TAX1BP1: variants seen among roughly 807,000 people sequenced by gnomAD.
TAX1BP1 encodes the protein tax1-binding protein 1.
In TAX1BP1, 62 loss-of-function variants were observed where a neutral mutation model predicts 97.7. The observed-to-expected ratio is 0.63, with a 90% CI of 0.52 to 0.78. The LOEUF is 0.78. Among genes scored for constraint, TAX1BP1 ranks in the 30% least tolerant of loss-of-function variants. TAX1BP1 has a pLI of 0.00. For synonymous variants in TAX1BP1, 340 were observed against 304.2 expected (o/e 1.12, Z -1.23); for missense variants, 867 against 916.1 (o/e 0.95, Z 0.69).
In TAX1BP1 at chr7:27,796,050, C is replaced by T. The variant is rs1789920132; in HGVS notation, c.1535-66C>T. ...ACAGTATACTGACCTTTAAGTTATT[C>T]TGAACAGGAAGATAATATAAGGGGC... On this transcript the variant is annotated intron_variant, in intron 11 of 16. Coordinates refer to ENST00000396319, the MANE Select transcript of TAX1BP1 (RefSeq NM_006024.7). 2.5e-6 allele frequency: 3 copies of T among 1,223,574 alleles called. No individual in the cohort carries two copies. The African/African-American group carries it at 4.6e-5, about 19-fold the overall frequency. The allele number at this position is 1,223,574 out of a possible 1,614,324, so 75.8% of individuals were successfully genotyped here. A position where few individuals can be genotyped will look rare whatever the true frequency, so the allele number is the denominator to read the frequency against.
intron 5 of TAX1BP1, among the ~76,000 whole-genome samples, chr7:27,772,900 A>G (rs1340293298): frequency 1.3e-5 from 2 of 152,060 alleles, no homozygotes; most frequent in African/African-American, 2.4e-5. Flanking sequence ...TATCTACTTC[A>G]TTATTCATGT....
At chr7:27,824,570 A>AT (rs1562748367) in intron 15 of TAX1BP1, among the ~76,000 whole-genome samples, 1 of 151,780 alleles carries the variant, frequency 6.6e-6, no homozygotes, top group East Asian at 1.9e-4. Context: ...AAAAAAAAAA[A>AT]AAATTACTGT....
At chr7:27,813,672 G>C (rs1198636212) in intron 13 of TAX1BP1, among the ~76,000 whole-genome samples, 1 of 151,988 alleles carries the variant, frequency 6.6e-6, no homozygotes, top group East Asian at 1.9e-4. Context: ...GTCTCACTAT[G>C]TTGTCCAGGC....
At chr7:27,810,681 C>G (rs1295475529) in intron 13 of TAX1BP1, among the ~76,000 whole-genome samples, 1 of 152,094 alleles carries the variant, frequency 6.6e-6, no homozygotes, top group Non-Finnish European at 1.5e-5. Flanking sequence ...GAGACAGGGT[C>G]TTGCCTTGCT....
At chr7:27,809,678 A>G (rs1790478155) in intron 13 of TAX1BP1, among the ~76,000 whole-genome samples, 1 of 152,126 alleles carries the variant, frequency 6.6e-6, no homozygotes, top group Non-Finnish European at 1.5e-5. Flanking sequence ...TCCTATTTGC[A>G]AATAATTTAT....
rs773364269 is a variant in TAX1BP1, at chr7:27,789,850, A to G, written c.1039-2156A>G. On this transcript the variant is annotated intron_variant, in intron 8 of 16. Coordinates refer to ENST00000396319, the MANE Select transcript of TAX1BP1 (RefSeq NM_006024.7). ...TTAATGTAACAGATTGCCAGTGCAA[A>G]CATGAGAAGTGTATTTGATTATTTG... 2.6e-5 allele frequency among the ~76,000 whole-genome samples: 4 copies of G among 152,122 alleles called. No individual in the cohort carries two copies. The South Asian group carries it at 6.2e-4, about 24-fold the overall frequency.
chr7:27,781,995 C>T (rs1313759622), intron 5 of TAX1BP1, among the ~76,000 whole-genome samples: 1 of 152,080 alleles, frequency 6.6e-6, no homozygotes, highest in African/African-American at 2.4e-5. Context: ...TGATTACAGA[C>T]ATGAGCCACC....
At chr7:27,768,132 G>C (rs1322444853) in intron 4 of TAX1BP1, among the ~76,000 whole-genome samples, 1 of 151,990 alleles carries the variant, frequency 6.6e-6, no homozygotes, top group Non-Finnish European at 1.5e-5. Context: ...TATAATAATA[G>C]TGGTGGTTTA....
intron 5 of TAX1BP1, among the ~76,000 whole-genome samples, chr7:27,782,821 T>A (rs1789313733): frequency 6.6e-6 from 1 of 152,186 alleles, no homozygotes; most frequent in African/African-American, 2.4e-5. Flanking sequence ...TACCATACCT[T>A]TTTTCTAGAT....
intron 4 of TAX1BP1, among the ~76,000 whole-genome samples, chr7:27,769,251 T>C (rs527430150): frequency 6.6e-6 from 1 of 152,088 alleles, no homozygotes; most frequent in South Asian, 2.1e-4. Flanking sequence ...TTATATACCA[T>C]ATAGTAAGTT....
chr7:27,760,619 C>T (rs1037697711), intron 3 of TAX1BP1, among the ~76,000 whole-genome samples: 2 of 152,112 alleles, frequency 1.3e-5, no homozygotes, highest in East Asian at 1.9e-4. Flanking sequence ...TGGTCTCGAT[C>T]TCCTGACCTT....
intron 13 of TAX1BP1, among the ~76,000 whole-genome samples, chr7:27,810,442 GATA>G (rs1790514339): frequency 6.6e-6 from 1 of 152,132 alleles, no homozygotes; most frequent in Non-Finnish European, 1.5e-5. Flanking sequence ...GTGCTGATCT[GATA>G]ATCAAATCTA....
chr7:27,778,119 C>G (rs1789107393), intron 5 of TAX1BP1, among the ~76,000 whole-genome samples: 1 of 152,124 alleles, frequency 6.6e-6, no homozygotes, highest in African/African-American at 2.4e-5. Context: ...GCATTCTGTT[C>G]TTAGTTTTCT....
chr7:27,825,123 G>T (rs562455140), intron 15 of TAX1BP1, among the ~76,000 whole-genome samples: 61 of 151,358 alleles, frequency 4.0e-4, no homozygotes, highest in African/African-American at 1.4e-3. Flanking sequence ...AGTGTTACAT[G>T]GTGTCATATT....
chr7:27,805,107 A>G (rs1790285772), intron 13 of TAX1BP1, among the ~76,000 whole-genome samples: 1 of 152,190 alleles, frequency 6.6e-6, no homozygotes, highest in Non-Finnish European at 1.5e-5. Context: ...ATGCCCTTTC[A>G]TAGAATTTGT....
In TAX1BP1 at chr7:27,771,267, T is replaced by C. The variant is rs182225164; in HGVS notation, c.612+1433T>C. Among the ~76,000 whole-genome samples, 135 of 150,566 alleles carry C rather than the reference T, an allele frequency of 9.0e-4. 1 individual carries two copies. In the East Asian group the frequency reaches 0.019, roughly 22 times the overall value. Reference sequence around the variant, plus strand: ...TTAATGTCAATCTTTTTTTTTTTTTTCACTGTATTACAAGCCAGAGGGATC... The same window carrying C: ...TTAATGTCAATCTTTTTTTTTTTTTCCACTGTATTACAAGCCAGAGGGATC... On this transcript the variant is annotated intron_variant, in intron 5 of 16. Coordinates refer to ENST00000396319, the MANE Select transcript of TAX1BP1 (RefSeq NM_006024.7).
chr7:27,743,146 G>A (rs374509276), intron 1 of TAX1BP1, among the ~76,000 whole-genome samples: 2 of 152,156 alleles, frequency 1.3e-5, no homozygotes, highest in Admixed American at 6.5e-5. Flanking sequence ...AAAGTGGTGC[G>A]GGTGATACCT....
chr7:27,754,604 G>A (rs1397962871), intron 2 of TAX1BP1, among the ~76,000 whole-genome samples: 2 of 151,770 alleles, frequency 1.3e-5, no homozygotes, highest in African/African-American at 4.8e-5. Flanking sequence ...AGACAGTCTC[G>A]CTCTATCGCC....
chr7:27,828,842 A>T lies in TAX1BP1; in HGVS notation c.*13A>T, dbSNP rs777281718. The T allele has an allele frequency of 8.5e-6, 11 of 1,286,758 alleles. No homozygotes were observed. The Admixed American group carries it at 1.1e-4, about 13-fold the overall frequency. The allele number at this position is 1,286,758 out of a possible 1,614,324, so 79.7% of individuals were successfully genotyped here. A position where few individuals can be genotyped will look rare whatever the true frequency, so the allele number is the denominator to read the frequency against. On this transcript the variant is annotated 3_prime_UTR_variant, in exon 17 of 17. Transcript: ENST00000396319. ...AAATTTTGACTAGTTACTTTTTATT[A>T]TGAGTTAATATAGTTTAGCAGTAAA...
Sources: allele counts gnomAD v4.1 joint callset (sites outside exome capture counted in the v4.1 genomes callset), GRCh38; gene constraint gnomAD v4.1.1; transcripts MANE v1.5; gene names NCBI Gene and HGNC (gene_info 2026-07-23, HGNC 2026-07-21).